Variants in GLI2 observed in about 807,000 individuals in gnomAD.
The protein encoded by GLI2 is GLI family zinc finger 2.
In GLI2, 22 loss-of-function variants were observed where a neutral mutation model predicts 78.9. The ratio of observed to expected loss-of-function variants is 0.28; its 90% CI spans 0.20 to 0.40. The LOEUF is 0.40. GLI2 is among the 10% of genes least tolerant of loss of function. The pLI, the probability that GLI2 is intolerant of heterozygous loss-of-function variation, is 1.00. For missense variants in GLI2, 2,097 were observed against 2,213.2 expected, an observed-to-expected ratio of 0.95 and a Z score of 1.05; for synonymous variants, 974 against 963.7, an observed-to-expected ratio of 1.01 and a Z score of -0.20.
At chr2:120,793,946 T>C (rs559127407) in intron 1 of GLI2, among the ~76,000 whole-genome samples, 1 of 152,264 alleles carries the variant, frequency 6.6e-6, no homozygotes, top group East Asian at 1.9e-4. Context: ...CTATAAGAAC[T>C]GGTGATGACA....
intron 2 of GLI2, among the ~76,000 whole-genome samples, chr2:120,911,079 G>A (rs1474116406): frequency 6.6e-6 from 1 of 152,288 alleles, no homozygotes; most frequent in East Asian, 1.9e-4. Flanking sequence ...GAGAACAGGG[G>A]ATGAGTCGGG....
chr2:120,977,115 C>T (rs182433610), intron 9 of GLI2, among the ~76,000 whole-genome samples: 28 of 152,332 alleles, frequency 1.8e-4, no homozygotes, highest in Admixed American at 7.2e-4. Flanking sequence ...GCATGAGGGC[C>T]TGGCAGTTTT....
intron 2 of GLI2, among the ~76,000 whole-genome samples, chr2:120,842,563 A>T (rs1417834551): frequency 1.3e-5 from 2 of 152,194 alleles, no homozygotes; most frequent in Non-Finnish European, 2.9e-5. Context: ...GGTGCGTCCC[A>T]CATTTGAGAG....
In GLI2 at chr2:120,951,306, C is replaced by T. The variant is rs759277639; in HGVS notation, c.318C>T (p.His106=). The change falls in exon 4 of 14, where the codon CAC becomes CAT. Residue 106 remains histidine, a synonymous_variant. Coordinates refer to ENST00000361492, the MANE Select transcript of GLI2 (RefSeq NM_001374353.1). ...SDISLIRLSP[H]PAGPGESPFN... ...TCTCCTTGATCCGGCTTTCCCCGCACCCGGCTGGCCCTGGGGAGTCCCCCT... is the reference window on the plus strand; with the variant it reads ...TCTCCTTGATCCGGCTTTCCCCGCATCCGGCTGGCCCTGGGGAGTCCCCCT... 1.2e-6 allele frequency: 2 copies of T among 1,610,488 alleles called. No individual in the cohort carries two copies. Among genetic ancestry groups the T allele is most frequent in the Non-Finnish European group, 1.7e-6 (2 of 1,176,806 alleles).
At chr2:120,880,088 G>T (rs904062743) in intron 2 of GLI2, among the ~76,000 whole-genome samples, 8 of 152,196 alleles carry the variant, frequency 5.3e-5, no homozygotes, top group Admixed American at 1.3e-4. Flanking sequence ...AAACTGGGCT[G>T]TGTCTGACTT....
At chr2:120,877,299 G>A (rs934905370) in intron 2 of GLI2, among the ~76,000 whole-genome samples, 10 of 152,190 alleles carry the variant, frequency 6.6e-5, no homozygotes. Context: ...GGCCTTGTGT[G>A]TAGATATTTG....
chr2:120,975,216 A>G, intron 9 of GLI2, 107 bp downstream of exon 9: 2 of 1,063,030 alleles, frequency 1.9e-6, no homozygotes, highest in Non-Finnish European at 1.4e-6. Flanking sequence ...GGAGGAAGAG[A>G]CCCCCAGAGA....
intron 2 of GLI2, among the ~76,000 whole-genome samples, chr2:120,803,512 G>A (rs1684797095): frequency 6.6e-6 from 1 of 152,194 alleles, no homozygotes; most frequent in Non-Finnish European, 1.5e-5. Flanking sequence ...CTGACCCGTT[G>A]AGGCTGACAG....
At chr2:120,896,463 G>C (rs1163362992) in intron 2 of GLI2, among the ~76,000 whole-genome samples, 1 of 152,136 alleles carries the variant, frequency 6.6e-6, no homozygotes, top group South Asian at 2.1e-4. Flanking sequence ...GGGTGGGGGG[G>C]TATTGACAGT....
At chr2:120,925,373 A>G (rs1161584907) in intron 2 of GLI2, among the ~76,000 whole-genome samples, 4 of 152,236 alleles carry the variant, frequency 2.6e-5, no homozygotes, top group African/African-American at 9.6e-5. Flanking sequence ...TTCAGGAGAA[A>G]AATTTCTTCC....
At chr2:120,796,717 C>T (rs1444252067) in intron 1 of GLI2, among the ~76,000 whole-genome samples, 1 of 152,250 alleles carries the variant, frequency 6.6e-6, no homozygotes, top group Non-Finnish European at 1.5e-5. Context: ...GTAAACTCCA[C>T]ATATTGTATC....
At chr2:120,836,460 G>A (rs1241143993) in intron 2 of GLI2, among the ~76,000 whole-genome samples, 5 of 152,278 alleles carry the variant, frequency 3.3e-5, no homozygotes, top group East Asian at 1.9e-4. Flanking sequence ...TTCCACAGCC[G>A]ATTTCTCTCC....
Position 120,989,092 on chromosome 2 carries a change from C to CTGGTGCTTCCAGACGACG in GLI2, c.3134_3151dup (p.Leu1045_Val1050dup). The CTGGTGCTTCCAGACGACG allele has an allele frequency of 6.2e-7, 1 of 1,612,426 alleles. No homozygotes were observed. Among genetic ancestry groups the CTGGTGCTTCCAGACGACG allele is most frequent in the Non-Finnish European group, 8.5e-7 (1 of 1,179,888 alleles). On this transcript the variant is annotated inframe_insertion, in exon 14 of 14. Coordinates refer to ENST00000361492, the MANE Select transcript of GLI2 (RefSeq NM_001374353.1). ...CGACCTGGGGCTGCCGGAGGACGAC[C>CTGGTGCTTCCAGACGACG]TGGTGCTTCCAGACGACGTGGTGCA... is the stretch of plus-strand genomic sequence containing the variant.
intron 8 of GLI2, among the ~76,000 whole-genome samples, chr2:120,974,048 A>G (rs1379488708): frequency 6.6e-6 from 1 of 152,140 alleles, no homozygotes; most frequent in Non-Finnish European, 1.5e-5. Flanking sequence ...TGTTTTCCCC[A>G]GAGACTATTC....
intron 2 of GLI2, among the ~76,000 whole-genome samples, chr2:120,867,714 C>T (rs141843458): frequency 3.3e-5 from 5 of 152,336 alleles, no homozygotes; most frequent in Non-Finnish European, 7.3e-5. Context: ...ACGTCCCTTC[C>T]CCTTGTCTGC....
At chr2:120,925,479 C>T (rs1339848509) in intron 2 of GLI2, among the ~76,000 whole-genome samples, 1 of 152,168 alleles carries the variant, frequency 6.6e-6, no homozygotes, top group Non-Finnish European at 1.5e-5. Context: ...GTTATTCAGC[C>T]TTAAAAAGGA....
chr2:120,740,437 T>TAAA (rs5833850), intron 1 of GLI2, among the ~76,000 whole-genome samples: 2 of 147,596 alleles, frequency 1.4e-5, no homozygotes, highest in Non-Finnish European at 1.5e-5. Flanking sequence ...GTGTGTTGTT[T>TAAA]AAAAAAAAAA....
At chr2:120,902,584 CTTG>C (rs2104786697) in intron 2 of GLI2, among the ~76,000 whole-genome samples, 1 of 152,248 alleles carries the variant, frequency 6.6e-6, no homozygotes, top group East Asian at 1.9e-4. Context: ...GCACTCATTC[CTTG>C]TTGTAGATGA....
chr2:120,936,759 C>T (rs1333111145), intron 3 of GLI2, among the ~76,000 whole-genome samples: 1 of 152,160 alleles, frequency 6.6e-6, no homozygotes. Context: ...ACTGTCCACT[C>T]GGTGGAAGCT....
Sources: gnomAD v4.1 joint callset for allele counts (sites outside exome capture counted in the v4.1 genomes callset) on GRCh38, gnomAD v4.1.1 for gene constraint, MANE v1.5 for transcripts, NCBI Gene and HGNC (gene_info 2026-07-23, HGNC 2026-07-21) for gene names.